The following SPOCK1 variants were observed in gnomAD, a reference collection of about 807,000 sequenced individuals.
SPOCK1 encodes the protein SPARC (osteonectin), cwcv and kazal like domains proteoglycan 1, also known as testican-1.
SPOCK1 carries 23 observed loss-of-function variants against 55.3 expected under a neutral mutation model. The observed-to-expected ratio is 0.42, with a 90% CI of 0.30 to 0.59. The LOEUF (loss-of-function observed/expected upper bound fraction) is 0.59. Among genes scored for constraint, SPOCK1 ranks in the 20% least tolerant of loss-of-function variants. The pLI is 0.22. For missense variants in SPOCK1, 499 were observed against 552.5 expected (o/e 0.90, Z 0.97); for synonymous variants, 226 against 221.0 (o/e 1.02, Z -0.20).
At chr5:137,276,195 C>T (rs762880855) in intron 2 of SPOCK1, among the ~76,000 whole-genome samples, 4 of 152,228 alleles carry the variant, frequency 2.6e-5, no homozygotes, top group Admixed American at 6.5e-5. Context: ...CAATGAACTA[C>T]GTTTTAATCC....
chr5:137,282,049 T>C (rs1419833939), intron 2 of SPOCK1, among the ~76,000 whole-genome samples: 4 of 152,226 alleles, frequency 2.6e-5, no homozygotes, highest in Admixed American at 6.5e-5. Flanking sequence ...CATCTGAAAA[T>C]GAGGGCAATG....
intron 2 of SPOCK1, among the ~76,000 whole-genome samples, chr5:137,432,251 T>TG (rs1375069279): frequency 3.9e-5 from 6 of 152,210 alleles, no homozygotes; most frequent in African/African-American, 1.4e-4. Flanking sequence ...ATTCCACTTC[T>TG]GGATATACAC....
rs78452272 is a variant in SPOCK1 at position 137,325,284 on chromosome 5, C to T, written c.187-58229G>A. ...CTTGATATTTAAAAACATACCAGCC[C>T]TCCCTTGCATGACACCCCTTCTCAA... On this transcript the variant is annotated intron_variant, in intron 2 of 10. Transcript: ENST00000394945. 1.3e-4 allele frequency among the ~76,000 whole-genome samples: 20 copies of T among 152,270 alleles called. 1 individual carries two copies. The East Asian group carries it at 3.9e-3, about 29-fold the overall frequency.
chr5:136,993,640 C>T (rs1317959694), intron 6 of SPOCK1, among the ~76,000 whole-genome samples: 1 of 152,194 alleles, frequency 6.6e-6, no homozygotes, highest in Non-Finnish European at 1.5e-5. Flanking sequence ...GCTACAGGAG[C>T]ACACTGCTAA....
At chr5:137,012,025 G>A (rs1384279181) in intron 6 of SPOCK1, among the ~76,000 whole-genome samples, 2 of 152,016 alleles carry the variant, frequency 1.3e-5, no homozygotes, top group Non-Finnish European at 2.9e-5. Flanking sequence ...ATTTAATCCT[G>A]GAGAAAATCC....
chr5:137,369,174 T>C (rs188348391), intron 2 of SPOCK1, among the ~76,000 whole-genome samples: 3 of 152,334 alleles, frequency 2.0e-5, no homozygotes, highest in Admixed American at 2.0e-4. Flanking sequence ...GCAATGCTCC[T>C]TGATGGGTGG....
chr5:137,068,171 A>G (rs1752546005), intron 5 of SPOCK1, among the ~76,000 whole-genome samples: 1 of 152,112 alleles, frequency 6.6e-6, no homozygotes, highest in Non-Finnish European at 1.5e-5. Flanking sequence ...ATTCACTTTG[A>G]GGCATCTTCT....
chr5:137,331,499 G>A (rs1289256057), intron 2 of SPOCK1, among the ~76,000 whole-genome samples: 1 of 152,214 alleles, frequency 6.6e-6, no homozygotes, highest in Non-Finnish European at 1.5e-5. Context: ...AATTTATGAA[G>A]AAAAGAAGTT....
intron 5 of SPOCK1, 42 bp from the exon 6 acceptor site, chr5:137,067,871 A>C: frequency 6.5e-7 from 1 of 1,530,198 alleles, no homozygotes; most frequent in Non-Finnish European, 9.1e-7. Context: ...ATGCAGCCAT[A>C]ACAGACCCCT....
At chr5:137,104,748 T>A (rs1753332986) in intron 5 of SPOCK1, among the ~76,000 whole-genome samples, 1 of 152,118 alleles carries the variant, frequency 6.6e-6, no homozygotes, top group South Asian at 2.1e-4. Context: ...TCTCCCATCA[T>A]CCCCATCTAG....
intron 3 of SPOCK1, among the ~76,000 whole-genome samples, chr5:137,208,246 C>T (rs1367838639): frequency 4.6e-5 from 7 of 152,144 alleles, no homozygotes. Flanking sequence ...GATGGCAGAG[C>T]AGGGAGCTCT....
chr5:137,055,889 C>T (rs1234954766), intron 6 of SPOCK1, among the ~76,000 whole-genome samples: 1 of 152,096 alleles, frequency 6.6e-6, no homozygotes, highest in African/African-American at 2.4e-5. Flanking sequence ...AGGTCGTGCC[C>T]CAGAATGACC....
chr5:137,498,471 C>G lies in SPOCK1; in HGVS notation c.88G>C (p.Gly30Arg), dbSNP rs767529355. ...ESRHLDALAG[G>R]AGPNHGNFLD... ...AAATTGCCGTGGTTGGGGCCCGCGCCTCCGGCGAGCGCGTCCAGGTGCCGG... is the reference window on the plus strand; with the variant it reads ...AAATTGCCGTGGTTGGGGCCCGCGCGTCCGGCGAGCGCGTCCAGGTGCCGG... Residue 30 changes from glycine to arginine, a missense_variant, in exon 2 of 11, where the codon GGC (glycine) becomes CGC (arginine). Physicochemically the swap from Gly to Arg is moderately radical, Grantham distance 125. Transcript: ENST00000394945. The G allele has an allele frequency of 6.2e-7, 1 of 1,604,950 alleles. No homozygotes were observed. The highest frequency in any genetic ancestry group is 1.7e-5 in the Admixed American group (1 of 59,406).
At chr5:137,045,216 C>T (rs1752087302) in intron 6 of SPOCK1, among the ~76,000 whole-genome samples, 1 of 143,378 alleles carries the variant, frequency 7.0e-6, no homozygotes, top group Non-Finnish European at 1.5e-5. Flanking sequence ...GAGGAATCGC[C>T]ACACTGACTT....
intron 2 of SPOCK1, among the ~76,000 whole-genome samples, chr5:137,286,088 G>A (rs1390318763): frequency 6.6e-6 from 1 of 152,134 alleles, no homozygotes; most frequent in African/African-American, 2.4e-5. Flanking sequence ...CACCCTAGGT[G>A]GTCAATGCTG....
At chr5:137,177,901 T>C (rs893426046) in intron 3 of SPOCK1, among the ~76,000 whole-genome samples, 1 of 152,126 alleles carries the variant, frequency 6.6e-6, no homozygotes, top group Non-Finnish European at 1.5e-5. Flanking sequence ...GGGAAGTCCA[T>C]GCCCTCCTGT....
chr5:137,207,806 A>G (rs1235499825), intron 3 of SPOCK1, among the ~76,000 whole-genome samples: 1 of 152,090 alleles, frequency 6.6e-6, no homozygotes, highest in Non-Finnish European at 1.5e-5. Flanking sequence ...CACAAATGCT[A>G]CTTGTGGTTC....
intron 3 of SPOCK1, among the ~76,000 whole-genome samples, chr5:137,220,124 A>C (rs17171099): frequency 6.6e-6 from 1 of 152,142 alleles, no homozygotes; most frequent in African/African-American, 2.4e-5. Flanking sequence ...ATAGAGCAAC[A>C]AGAACCCATG....
chr5:137,029,090 C>T (rs1413229482), intron 6 of SPOCK1, among the ~76,000 whole-genome samples: 1 of 152,166 alleles, frequency 6.6e-6, no homozygotes, highest in Admixed American at 6.5e-5. Flanking sequence ...ATCTGGCTCT[C>T]AGAGAGCCAT....
Sources: gnomAD v4.1 joint callset for allele counts (sites outside exome capture counted in the v4.1 genomes callset) on GRCh38, gnomAD v4.1.1 for gene constraint, MANE v1.5 for transcripts, NCBI Gene and HGNC (gene_info 2026-07-23, HGNC 2026-07-21) for gene names.